Variants in FRYL observed in about 807,000 individuals in gnomAD.
FRYL encodes the protein protein furry homolog-like.
A neutral mutation model predicts 351.2 loss-of-function variants in FRYL; 150 were observed. That is an observed-to-expected ratio of 0.43 (90% CI 0.37 to 0.49). The LOEUF (loss-of-function observed/expected upper bound fraction) is 0.49, where lower values mean the gene tolerates loss of function less well. Ranked by LOEUF, FRYL falls within the 20% of genes least tolerant of loss-of-function variation. FRYL has a pLI of 0.00. For synonymous variants in FRYL, 1,153 were observed against 1,257.1 expected, an observed-to-expected ratio of 0.92 and a Z score of 1.75; for missense variants, 3,036 against 3,619.3, an observed-to-expected ratio of 0.84 and a Z score of 4.13.
At chr4:48,560,572 C>G (rs886725643) in intron 33 of FRYL, among the ~76,000 whole-genome samples, 8 of 152,024 alleles carry the variant, frequency 5.3e-5, no homozygotes, top group Admixed American at 5.2e-4. Context: ...GTGCAAAAGC[C>G]TCTAGCAGCA....
chr4:48,512,958 C>A (rs376867196), intron 56 of FRYL, among the ~76,000 whole-genome samples: 8 of 152,256 alleles, frequency 5.3e-5, no homozygotes, highest in African/African-American at 1.9e-4. Flanking sequence ...ACTATGGATT[C>A]ATTTTAGTAA....
chr4:48,725,992 C>G (rs1291727538), intron 1 of FRYL, among the ~76,000 whole-genome samples: 1 of 152,124 alleles, frequency 6.6e-6, no homozygotes, highest in Non-Finnish European at 1.5e-5. Context: ...GAAAAAAAAT[C>G]ACCAATCTTA....
At chr4:48,633,250 G>A (rs965390501) in intron 4 of FRYL, among the ~76,000 whole-genome samples, 6 of 152,090 alleles carry the variant, frequency 3.9e-5, no homozygotes, top group African/African-American at 1.4e-4. Flanking sequence ...AAACTGTTCT[G>A]TTTTATTTCT....
intron 59 of FRYL, 81 bp downstream of exon 59, chr4:48,509,978 G>T: frequency 1.1e-6 from 1 of 894,132 alleles, no homozygotes; most frequent in Non-Finnish European, 1.8e-6. Context: ...CTTCTTTTCT[G>T]TCTGGGCTAT....
intron 3 of FRYL, among the ~76,000 whole-genome samples, chr4:48,655,956 C>T (rs1316120176): frequency 3.6e-5 from 5 of 137,088 alleles, no homozygotes; most frequent in African/African-American, 1.1e-4. Flanking sequence ...ATTATATGTA[C>T]ATTATATATA....
chr4:48,657,117 A>G (rs772847065), intron 3 of FRYL, among the ~76,000 whole-genome samples: 1 of 152,176 alleles, frequency 6.6e-6, no homozygotes, highest in African/African-American at 2.4e-5. Flanking sequence ...TTAGATGATG[A>G]TGGAAGAGTC....
chr4:48,615,158 A>G (rs968493947), intron 7 of FRYL, among the ~76,000 whole-genome samples: 1 of 152,172 alleles, frequency 6.6e-6, no homozygotes, highest in African/African-American at 2.4e-5. Flanking sequence ...ATGAAAGTAA[A>G]GAACAAAAGA....
rs1359809492 is a variant in FRYL at position 48,500,081 on chromosome 4, G to C, written c.8732C>G (p.Thr2911Ser). 1 of 1,595,446 alleles carries C rather than the reference G, an allele frequency of 6.3e-7. No individual in the cohort carries two copies. Among genetic ancestry groups the C allele is most frequent in the African/African-American group, 1.4e-5 (1 of 73,820 alleles). ...TGATATAAATTCTTTATTTTTCAAA[G>C]TTTCAATTAAAGAATGAATGGCAGT... ...IETAIHSLIE[T>S]LKNKEFISAV... The change falls in exon 63 of 64, where the codon ACT becomes AGT. Residue 2911 changes from threonine (T) to serine (S), a missense_variant. This residue lies in a region of FRYL where 1,987 missense variants were observed against 2,311.7 expected (regional missense o/e 0.86). Coordinates refer to ENST00000358350, the MANE Select transcript of FRYL (RefSeq NM_015030.2).
chr4:48,663,142 G>A (rs1761103664), intron 3 of FRYL, among the ~76,000 whole-genome samples: 2 of 151,788 alleles, frequency 1.3e-5, no homozygotes, highest in African/African-American at 2.4e-5. Flanking sequence ...AATTAACAAT[G>A]AACATTTGGG....
chr4:48,595,746 A>ATT, intron 14 of FRYL, 48 bp from the exon 15 acceptor site: 1 of 1,287,090 alleles, frequency 7.8e-7, no homozygotes, highest in Middle Eastern at 1.9e-4. Flanking sequence ...CATCAACAGC[A>ATT]TATTAGCAAA....
chr4:48,762,505 C>A (rs1275001655), intron 1 of FRYL, among the ~76,000 whole-genome samples: 1 of 152,148 alleles, frequency 6.6e-6, no homozygotes, highest in Non-Finnish European at 1.5e-5. Context: ...AGGTTACAGA[C>A]ACAGGATGGA....
intron 4 of FRYL, among the ~76,000 whole-genome samples, chr4:48,625,631 T>C (rs1474965385): frequency 1.3e-5 from 2 of 152,154 alleles, no homozygotes; most frequent in African/African-American, 4.8e-5. Context: ...AGGATGTGCA[T>C]AGGTTATATG....
chr4:48,651,226 G>A (rs559039184), intron 3 of FRYL, among the ~76,000 whole-genome samples: 2 of 139,384 alleles, frequency 1.4e-5, no homozygotes, highest in Non-Finnish European at 3.1e-5. Flanking sequence ...GTGTGTGTGT[G>A]TGTGTGTGTG....
intron 2 of FRYL, among the ~76,000 whole-genome samples, chr4:48,696,422 C>G (rs1766168655): frequency 6.6e-6 from 1 of 152,086 alleles, no homozygotes; most frequent in Non-Finnish European, 1.5e-5. Flanking sequence ...CAAACTAACA[C>G]AAGAACAGAA....
At chr4:48,592,161 T>G (rs1743538269) in intron 16 of FRYL, among the ~76,000 whole-genome samples, 2 of 148,158 alleles carry the variant, frequency 1.3e-5, no homozygotes, top group African/African-American at 5.1e-5. Context: ...CTTCTTTATA[T>G]ACGACATAGT....
At chr4:48,542,605 CAGAT>C (rs939315396) in intron 44 of FRYL, among the ~76,000 whole-genome samples, 10 of 152,246 alleles carry the variant, frequency 6.6e-5, no homozygotes, top group African/African-American at 2.2e-4. Context: ...TTAGTAGAGA[CAGAT>C]TTCGCCATGT....
intron 16 of FRYL, among the ~76,000 whole-genome samples, chr4:48,593,678 T>C (rs1041182737): frequency 2.0e-5 from 3 of 152,136 alleles, no homozygotes; most frequent in Non-Finnish European, 2.9e-5. Context: ...TATTATTTTC[T>C]ACCACGCTTA....
chr4:48,501,348 C>T (rs528458459), intron 62 of FRYL, among the ~76,000 whole-genome samples: 56 of 152,198 alleles, frequency 3.7e-4, no homozygotes, highest in Non-Finnish European at 7.5e-4. Flanking sequence ...GTGCCACCAT[C>T]CCTGGCTTTT....
chr4:48,586,531 C>T (rs1742146086), intron 19 of FRYL, 90 bp downstream of exon 19: 1 of 830,110 alleles, frequency 1.2e-6, no homozygotes, highest in Admixed American at 2.0e-5. Context: ...TTAACATCGC[C>T]TTTTTAGTGA....
Sources: allele counts gnomAD v4.1 joint callset (sites outside exome capture counted in the v4.1 genomes callset), GRCh38; gene constraint gnomAD v4.1.1; regional missense constraint gnomAD v4.1.1; transcripts MANE v1.5; gene names NCBI Gene and HGNC (gene_info 2026-07-23, HGNC 2026-07-21).